GALNT17: variants seen among roughly 807,000 people sequenced by gnomAD.
The protein encoded by GALNT17 is polypeptide N-acetylgalactosaminyltransferase 17.
A neutral mutation model predicts 63.7 loss-of-function variants in GALNT17; 29 were observed. The observed-to-expected ratio is 0.46, with a 90% CI of 0.34 to 0.62. The LOEUF is 0.62. Among genes scored for constraint, GALNT17 ranks in the 20% least tolerant of loss-of-function variants. GALNT17 has a pLI of 0.01. For missense variants in GALNT17, 603 were observed against 799.6 expected (o/e 0.75, Z 2.97); for synonymous variants, 305 against 318.3 (o/e 0.96, Z 0.45).
chr7:71,184,299 G>A (rs1020286468), intron 1 of GALNT17, among the ~76,000 whole-genome samples: 14 of 152,286 alleles, frequency 9.2e-5, no homozygotes, highest in African/African-American at 3.4e-4. Context: ...GGCAGCCCTA[G>A]TGGAGTAATG....
At chr7:71,274,911 T>A (rs1790656331) in intron 1 of GALNT17, among the ~76,000 whole-genome samples, 6 of 152,200 alleles carry the variant, frequency 3.9e-5, no homozygotes. Flanking sequence ...ACAACATTGT[T>A]ATACTACTGA....
At chr7:71,626,471 C>G (rs1790378434) in intron 6 of GALNT17, among the ~76,000 whole-genome samples, 1 of 152,194 alleles carries the variant, frequency 6.6e-6, no homozygotes, top group South Asian at 2.1e-4. Context: ...ACTATACACA[C>G]TATTTATTAT....
At chr7:71,434,939 A>G (rs568461431) in intron 5 of GALNT17, among the ~76,000 whole-genome samples, 7 of 152,340 alleles carry the variant, frequency 4.6e-5, no homozygotes, top group African/African-American at 1.4e-4. Context: ...TGCTTTCTTC[A>G]GGGGACCAGT....
chr7:71,144,372 C>G (rs1014774079), intron 1 of GALNT17, among the ~76,000 whole-genome samples: 1 of 152,130 alleles, frequency 6.6e-6, no homozygotes, highest in African/African-American at 2.4e-5. Context: ...AAGCTCAGGT[C>G]TTAGCTGGGC....
Position 71,394,236 on chromosome 7 carries a change from G to C in GALNT17, c.589+5835G>C, listed in dbSNP as rs534923588. Among the ~76,000 whole-genome samples, 196 of 152,204 alleles carry C rather than the reference G, an allele frequency of 1.3e-3. 1 individual carries two copies. The highest frequency in any genetic ancestry group is 3.4e-3 in the Middle Eastern group (1 of 294). On this transcript the variant is annotated intron_variant, in intron 3 of 10. Coordinates refer to ENST00000333538, the MANE Select transcript of GALNT17 (RefSeq NM_022479.3). The stretch of plus-strand genomic sequence containing the variant: ...ACATGATGAGTGGAGAGAGAGAGGG[G>C]AGGAGGTGCGAGGCTCTTTTTAACA...
At position 71,469,985 on chromosome 7, in the gene GALNT17, G is replaced by C. The variant is rs148242131; in HGVS notation, c.962+48880G>C. On this transcript the variant is annotated intron_variant, in intron 5 of 10. Coordinates refer to ENST00000333538, the MANE Select transcript of GALNT17 (RefSeq NM_022479.3). ...ACACTTTGGGAGGCTGAGGCGGACGGATAACCTGAGGTCAGGAGTTCAAGA... is the reference window on the plus strand; with the variant it reads ...ACACTTTGGGAGGCTGAGGCGGACGCATAACCTGAGGTCAGGAGTTCAAGA... 5.3e-3 allele frequency among the ~76,000 whole-genome samples: 802 copies of C among 152,314 alleles called. 8 individuals are homozygous for C. The highest frequency in any genetic ancestry group is 0.018 in the African/African-American group (766 of 41,566).
At chr7:71,372,624 TA>T (rs35314313) in intron 2 of GALNT17, among the ~76,000 whole-genome samples, 1 of 152,176 alleles carries the variant, frequency 6.6e-6, no homozygotes, top group Non-Finnish European at 1.5e-5. Flanking sequence ...GCTAATGTTT[TA>T]AAAAAATTTT....
At chr7:71,377,119 A>T (rs1792755879) in intron 2 of GALNT17, among the ~76,000 whole-genome samples, 1 of 85,218 alleles carries the variant, frequency 1.2e-5, no homozygotes, top group Non-Finnish European at 2.3e-5. Context: ...AAAAAAATAT[A>T]TATATATATA....
At chr7:71,393,853 C>T (rs960193968) in intron 3 of GALNT17, among the ~76,000 whole-genome samples, 17 of 152,172 alleles carry the variant, frequency 1.1e-4, no homozygotes, top group Non-Finnish European at 1.8e-4. Flanking sequence ...GCAACATTTG[C>T]CAGAAATCAC....
intron 1 of GALNT17, among the ~76,000 whole-genome samples, chr7:71,253,133 C>T (rs1226314269): frequency 6.6e-6 from 1 of 152,186 alleles, no homozygotes; most frequent in Admixed American, 6.5e-5. Context: ...AATGCAACCA[C>T]GTACCTCTTT....
At chr7:71,136,490 C>T (rs1049316895) in intron 1 of GALNT17, among the ~76,000 whole-genome samples, 8 of 151,916 alleles carry the variant, frequency 5.3e-5, no homozygotes, top group Non-Finnish European at 1.5e-5. Context: ...TCCTGGCTTC[C>T]TCTTCTTTTT....
chr7:71,592,491 A>G lies in GALNT17; in HGVS notation c.1080+21089A>G, dbSNP rs569358757. Among the ~76,000 whole-genome samples, 3 of 76,044 alleles carry G rather than the reference A, an allele frequency of 3.9e-5. No individual in the cohort carries two copies. In the East Asian group the frequency reaches 1.8e-3, roughly 45 times the overall value. 49.9% of individuals were successfully genotyped at this position (76,044 alleles called of 152,430 possible). A position where few individuals can be genotyped will look rare whatever the true frequency, so the allele number is the denominator to read the frequency against. ...GCCTGGGTGACAAGAGCGAAACTCC[A>G]TTTCAAAAATAAAATAAAATAAAAT... On this transcript the variant is annotated intron_variant, in intron 6 of 10. Coordinates refer to ENST00000333538, the MANE Select transcript of GALNT17 (RefSeq NM_022479.3).
intron 5 of GALNT17, among the ~76,000 whole-genome samples, chr7:71,482,143 A>C (rs1161562422): frequency 1.7e-5 from 2 of 118,594 alleles, no homozygotes; most frequent in Non-Finnish European, 3.3e-5. Context: ...CATAATGACA[A>C]GGATACATTT....
intron 4 of GALNT17, 105 bp from the exon 5 acceptor site, chr7:71,420,803 A>C (rs1786648725): frequency 2.1e-6 from 3 of 1,403,052 alleles, no homozygotes; most frequent in Non-Finnish European, 3.0e-6. Flanking sequence ...CAGCCTTCCC[A>C]AAGCCCAGCC....
intron 5 of GALNT17, among the ~76,000 whole-genome samples, chr7:71,454,690 G>A (rs189219207): frequency 1.3e-5 from 2 of 152,282 alleles, no homozygotes; most frequent in East Asian, 1.9e-4. Flanking sequence ...AAGGAGAAAT[G>A]TGTGCATGAA....
chr7:71,275,109 C>T (rs1329401910), intron 1 of GALNT17, among the ~76,000 whole-genome samples: 1 of 152,156 alleles, frequency 6.6e-6, no homozygotes. Flanking sequence ...TTGTCTTTGC[C>T]TACAGCCATC....
At chr7:71,226,560 A>G (rs1390130204) in intron 1 of GALNT17, among the ~76,000 whole-genome samples, 1 of 151,894 alleles carries the variant, frequency 6.6e-6, no homozygotes, top group Admixed American at 6.6e-5. Flanking sequence ...GGCATGATCA[A>G]CCTCTGCCTC....
chr7:71,421,151 AG>A, intron 5 of GALNT17, 46 bp downstream of exon 5: 1 of 1,602,714 alleles, frequency 6.2e-7, no homozygotes, highest in Non-Finnish European at 8.5e-7. Context: ...CCCAAATTCA[AG>A]GGTAAAAAGG....
At chr7:71,261,807 A>G (rs1790390385) in intron 1 of GALNT17, among the ~76,000 whole-genome samples, 1 of 152,182 alleles carries the variant, frequency 6.6e-6, no homozygotes, top group Admixed American at 6.5e-5. Context: ...CGTGTACTTC[A>G]TTTATTCCTC....
Sources: allele counts gnomAD v4.1 joint callset (sites outside exome capture counted in the v4.1 genomes callset), GRCh38; gene constraint gnomAD v4.1.1; transcripts MANE v1.5; gene names NCBI Gene and HGNC (gene_info 2026-07-23, HGNC 2026-07-21).